USP16: variants seen among roughly 807,000 people sequenced by gnomAD.
USP16 encodes the protein ubiquitin specific peptidase 16.
In USP16, 77 loss-of-function variants were observed where a neutral mutation model predicts 95.9. The ratio of observed to expected loss-of-function variants is 0.80; its 90% CI spans 0.67 to 0.97. The LOEUF is 0.97. USP16 is among the 50% of genes least tolerant of loss of function. The pLI is 0.00. For missense variants in USP16, 943 were observed against 959.9 expected (o/e 0.98, Z 0.23); for synonymous variants, 303 against 318.2 (o/e 0.95, Z 0.51).
Position 29,048,058 on chromosome 21 carries a change from T to TGTGTGC in USP16, c.2012-698_2012-697insCGTGTG, listed in dbSNP as rs1372206135. Among the ~76,000 whole-genome samples the TGTGTGC allele has an allele frequency of 5.8e-4, 73 of 124,898 alleles. 1 individual carries two copies. Among genetic ancestry groups the TGTGTGC allele is most frequent in the African/African-American group, 2.4e-3 (73 of 30,268 alleles). 81.9% of individuals were successfully genotyped at this position (124,898 alleles called of 152,430 possible). A position where few individuals can be genotyped will look rare whatever the true frequency, so the allele number is the denominator to read the frequency against. On this transcript the variant is annotated intron_variant, in intron 14 of 17. Coordinates refer to ENST00000399976, the MANE Select transcript of USP16 (RefSeq NM_006447.3). ...AGCTCAGAGACGATACGTGTGTGTG[T>TGTGTGC]GTGTGTGTGTGTGTGTGTGTGTGTG...
At chr21:29,036,948 T>G (rs900817403) in intron 5 of USP16, among the ~76,000 whole-genome samples, 1 of 152,250 alleles carries the variant, frequency 6.6e-6, no homozygotes, top group African/African-American at 2.4e-5. Flanking sequence ...TTGATTGTTT[T>G]ATATTCTTAA....
chr21:29,036,673 G>A (rs551033366), intron 5 of USP16, among the ~76,000 whole-genome samples: 7 of 152,228 alleles, frequency 4.6e-5, no homozygotes, highest in Admixed American at 2.6e-4. Flanking sequence ...TCTTACTGTC[G>A]TACATTTTGT....
intron 13 of USP16, among the ~76,000 whole-genome samples, chr21:29,044,183 C>T (rs1253792314): frequency 6.6e-6 from 1 of 152,226 alleles, no homozygotes; most frequent in African/African-American, 2.4e-5. Context: ...ATCCTCCCTC[C>T]TCAGCCTGCC....
intron 1 of USP16, among the ~76,000 whole-genome samples, chr21:29,026,868 G>A (rs1404053604): frequency 6.6e-6 from 1 of 152,040 alleles, no homozygotes; most frequent in Admixed American, 6.5e-5. Flanking sequence ...TTTTGTTGTT[G>A]TTGAGGTGTA....
At chr21:29,031,556 A>G (rs9305388) in intron 3 of USP16, among the ~76,000 whole-genome samples, 8,647 of 152,182 alleles carry the variant, frequency 0.057, 566 homozygotes, top group East Asian at 0.16. Context: ...TTCCTGCCTC[A>G]GTCTCCAAGT....
At chr21:29,032,202 A>G (rs1206382995) in intron 3 of USP16, among the ~76,000 whole-genome samples, 1 of 152,156 alleles carries the variant, frequency 6.6e-6, no homozygotes, top group Non-Finnish European at 1.5e-5. Context: ...AAATGGAGTC[A>G]TACAGTGTGC....
intron 16 of USP16, chr21:29,052,563 A>G (rs2085431893): frequency 6.6e-6 from 1 of 152,178 alleles, no homozygotes; most frequent in South Asian, 2.1e-4. Flanking sequence ...CTCCCATGAC[A>G]TGTGGGAATT....
At chr21:29,043,928 C>T (rs777767396) in intron 13 of USP16, among the ~76,000 whole-genome samples, 15 of 151,976 alleles carry the variant, frequency 9.9e-5, no homozygotes, top group Non-Finnish European at 1.9e-4. Context: ...CCCCCTCCCA[C>T]CACTGTTTTT....
Position 29,054,101 on chromosome 21 carries a change from A to G in USP16, c.2386A>G (p.Ile796Val), listed in dbSNP as rs200606379. ...EMESKGQWFH[I>V]SDTHVQAVPT... Reference sequence around the variant, plus strand: ...GGAATCAAAAGGGCAGTGGTTTCACATCAGCGACACACATGTGCAAGCTGT... The same window carrying G: ...GGAATCAAAAGGGCAGTGGTTTCACGTCAGCGACACACATGTGCAAGCTGT... The change falls in exon 18 of 18, where the codon ATC becomes GTC. Residue 796 changes from isoleucine (I) to valine (V), a missense_variant. By Grantham distance (29) the Ile-to-Val change is conservative. Transcript: ENST00000399976. 6.9e-5 allele frequency: 111 copies of G among 1,614,142 alleles called. No individual in the cohort carries two copies. The highest frequency in any genetic ancestry group is 1.6e-4 in the Middle Eastern group (1 of 6,084).
In USP16 at chr21:29,039,090, A is replaced by G; in HGVS notation, c.797A>G (p.Asn266Ser). The G allele has an allele frequency of 6.3e-7, 1 of 1,593,910 alleles. No homozygotes were observed. The highest frequency in any genetic ancestry group is 2.3e-5 in the East Asian group (1 of 43,754). Residue 266 changes from asparagine to serine, a missense_variant, in exon 8 of 18, where the codon AAT becomes AGT. Coordinates refer to ENST00000399976, the MANE Select transcript of USP16 (RefSeq NM_006447.3). ...ACTTTAGCCATGAGCCAGTTTCTTA[A>G]TGAGATGCAAGAGACCAAAAAGGGG... ...PLTLAMSQFL[N>S]EMQETKKGVV...
At chr21:29,037,923 A>G (rs751381174) in intron 6 of USP16, among the ~76,000 whole-genome samples, 16 of 152,214 alleles carry the variant, frequency 1.1e-4, no homozygotes, top group Non-Finnish European at 1.9e-4. Flanking sequence ...CATGACAGTA[A>G]GAGAGTTTGG....
chr21:29,047,418 G>A (rs2085343990), intron 14 of USP16, 97 bp downstream of exon 14: 2 of 1,303,114 alleles, frequency 1.5e-6, no homozygotes, highest in Non-Finnish European at 1.0e-6. Context: ...GATTTGGATG[G>A]CATGAATAAG....
chr21:29,037,825 GTCCACCC>G (rs2085184442), intron 6 of USP16, among the ~76,000 whole-genome samples: 1 of 152,032 alleles, frequency 6.6e-6, no homozygotes, highest in African/African-American at 2.4e-5. Flanking sequence ...GGCTTAAGCC[GTCCACCC>G]CCTTTGGCCA....
intron 7 of USP16, among the ~76,000 whole-genome samples, 160 bp from the exon 8 acceptor site, chr21:29,038,866 G>A (rs1054161147): frequency 1.3e-5 from 2 of 152,174 alleles, no homozygotes; most frequent in Non-Finnish European, 2.9e-5. Flanking sequence ...AAGACAGTCT[G>A]TGACCAAACA....
intron 16 of USP16, among the ~76,000 whole-genome samples, chr21:29,050,855 G>A (rs767315337): frequency 2.0e-5 from 3 of 152,160 alleles, no homozygotes; most frequent in Non-Finnish European, 4.4e-5. Context: ...GCACTGGGGT[G>A]GCATGGTCAG....
Position 29,027,983 on chromosome 21 carries a change from C to T in USP16, c.61+9C>T. The T allele has an allele frequency of 1.3e-6, 2 of 1,592,544 alleles. No individual in the cohort carries two copies. The highest frequency in any genetic ancestry group is 1.7e-6 in the Non-Finnish European group (2 of 1,161,144). On this transcript the variant is annotated intron_variant, in intron 2 of 17. Transcript: ENST00000399976. ...TTCCTCTGAAACTTTAGGTATATTT[C>T]ATTGATTGAATCTTTAATGTTTATA...
chr21:29,051,019 G>A (rs938806838), intron 16 of USP16, among the ~76,000 whole-genome samples: 3 of 152,114 alleles, frequency 2.0e-5, no homozygotes, highest in African/African-American at 7.2e-5. Flanking sequence ...GGAGATAGAA[G>A]GAATATTTCA....
chr21:29,043,676 G>C, intron 13 of USP16, 77 bp downstream of exon 13: 1 of 1,283,758 alleles, frequency 7.8e-7, no homozygotes, highest in African/African-American at 1.5e-5. Flanking sequence ...GAATGACATT[G>C]GTTAGACATG....
At chr21:29,036,736 C>A (rs2832153) in intron 5 of USP16, among the ~76,000 whole-genome samples, 89,863 of 152,086 alleles carry the variant, frequency 0.59, 29,508 homozygotes, top group South Asian at 0.76. Flanking sequence ...TTTGTGATTC[C>A]TTCTAATGGT....
Sources: allele counts gnomAD v4.1 joint callset (sites outside exome capture counted in the v4.1 genomes callset), GRCh38; gene constraint gnomAD v4.1.1; transcripts MANE v1.5; gene names NCBI Gene and HGNC (gene_info 2026-07-23, HGNC 2026-07-21).